USP6NL: variants seen among roughly 807,000 people sequenced by gnomAD.
The protein encoded by USP6NL is USP6 N-terminal-like protein.
USP6NL carries 26 observed loss-of-function variants against 61.9 expected under a neutral mutation model. The observed-to-expected ratio is 0.42, with a 90% CI of 0.31 to 0.58. The LOEUF (loss-of-function observed/expected upper bound fraction) is 0.58. Ranked by LOEUF, USP6NL falls within the 20% of genes least tolerant of loss-of-function variation. USP6NL has a pLI of 0.16. For synonymous variants in USP6NL, 432 were observed against 390.1 expected (o/e 1.11, Z -1.27); for missense variants, 1,114 against 1,034.3 (o/e 1.08, Z -1.06).
chr10:11,594,518 A>G (rs955307835), intron 2 of USP6NL, among the ~76,000 whole-genome samples: 6 of 152,278 alleles, frequency 3.9e-5, no homozygotes, highest in African/African-American at 1.4e-4. Context: ...CTAGAATGTA[A>G]ATGACCTGGA....
In USP6NL at chr10:11,490,089, G is replaced by GC. The variant is rs1372613574; in HGVS notation, c.543+742dup. On this transcript the variant is annotated intron_variant, in intron 9 of 14. Coordinates refer to ENST00000609104, the MANE Select transcript of USP6NL (RefSeq NM_014688.5). This position sits in a 1 kb window ranked among gnomAD's most constrained non-coding sequence, Gnocchi z 4.5. ...ACCTTCCAGCTCCAATTCCGGTGAG[G>GC]CCCAACTAGTGCTTCCTTCCTATGA... 6.6e-6 allele frequency among the ~76,000 whole-genome samples: 1 copy of GC among 152,132 alleles called. No homozygotes were observed. Among genetic ancestry groups the GC allele is most frequent in the Non-Finnish European group, 1.5e-5 (1 of 68,004 alleles).
chr10:11,574,971 G>C lies in USP6NL; in HGVS notation c.4+22660C>G, dbSNP rs568714270. ...CTTCAGACACGACGTGCTACACCATGTACATATATACCACCCATAATGTAT... is the reference window on the plus strand; with the variant it reads ...CTTCAGACACGACGTGCTACACCATCTACATATATACCACCCATAATGTAT... On this transcript the variant is annotated intron_variant, in intron 2 of 14. Coordinates refer to ENST00000609104, the MANE Select transcript of USP6NL (RefSeq NM_014688.5). The surrounding 1 kb of genome is among the most constrained non-coding windows in gnomAD (Gnocchi z 4.3). Among the ~76,000 whole-genome samples the C allele has an allele frequency of 6.6e-6, 1 of 152,286 alleles. No individual in the cohort carries two copies. Among genetic ancestry groups the C allele is most frequent in the African/African-American group, 2.4e-5 (1 of 41,558 alleles).
chr10:11,530,101 CAAAAAAAA>C (rs900768943), intron 2 of USP6NL, among the ~76,000 whole-genome samples: 74 of 72,004 alleles, frequency 1.0e-3, no homozygotes, highest in Non-Finnish European at 1.6e-3. Context: ...GACCCTGTCT[CAAAAAAAA>C]AAAAAAAAAA....
Position 11,518,737 on chromosome 10 carries a change from G to C in USP6NL, c.156-163C>G, listed in dbSNP as rs904074672. ...TCAATATGAAATGATAGCTACTCTAGAACCACAGGGCCACCTATCTTCAAA... is the reference window on the plus strand; with the variant it reads ...TCAATATGAAATGATAGCTACTCTACAACCACAGGGCCACCTATCTTCAAA... On this transcript the variant is annotated intron_variant, in intron 4 of 14. Coordinates refer to ENST00000609104, the MANE Select transcript of USP6NL (RefSeq NM_014688.5). This position sits in a 1 kb window ranked among gnomAD's most constrained non-coding sequence, Gnocchi z 5.3. 6.6e-6 allele frequency among the ~76,000 whole-genome samples: 1 copy of C among 152,148 alleles called. No homozygotes were observed. Among genetic ancestry groups the C allele is most frequent in the African/African-American group, 2.4e-5 (1 of 41,432 alleles).
At chr10:11,539,266 G>A (rs906238976) in intron 2 of USP6NL, among the ~76,000 whole-genome samples, 2 of 152,204 alleles carry the variant, frequency 1.3e-5, no homozygotes, top group African/African-American at 4.8e-5. Flanking sequence ...CAGTCACCCA[G>A]TGGGCAGGTC....
intron 2 of USP6NL, among the ~76,000 whole-genome samples, chr10:11,538,288 G>T (rs971844546): frequency 2.0e-5 from 3 of 152,010 alleles, no homozygotes; most frequent in South Asian, 2.1e-4. Context: ...AAGCTGCTTA[G>T]ATATGCTCCA....
rs1833674629 is a variant in USP6NL, at chr10:11,490,652, A to G, written c.543+180T>C. On this transcript the variant is annotated intron_variant, in intron 9 of 14. Coordinates refer to ENST00000609104, the MANE Select transcript of USP6NL (RefSeq NM_014688.5). This position sits in a 1 kb window ranked among gnomAD's most constrained non-coding sequence, Gnocchi z 4.5. ...ATTTAGGTTCTTCCACTTCAGAATC[A>G]GCTCTGTTCTAAGGCCCTAGGGTTA... 6.6e-6 allele frequency among the ~76,000 whole-genome samples: 1 copy of G among 152,226 alleles called. No individual in the cohort carries two copies. Among genetic ancestry groups the G allele is most frequent in the Non-Finnish European group, 1.5e-5 (1 of 68,040 alleles).
At chr10:11,560,989 A>C (rs117897258) in intron 2 of USP6NL, among the ~76,000 whole-genome samples, 1 of 152,200 alleles carries the variant, frequency 6.6e-6, no homozygotes, top group East Asian at 1.9e-4. Flanking sequence ...GAAAGCTTAA[A>C]AAAATGTATA....
In USP6NL at chr10:11,602,560, G is replaced by A. The variant is rs1476746370; in HGVS notation, c.-83-4843C>T. On this transcript the variant is annotated intron_variant, in intron 1 of 14. Transcript: ENST00000609104. The surrounding 1 kb of genome is among the most constrained non-coding windows in gnomAD (Gnocchi z 4.8). The stretch of plus-strand genomic sequence containing the variant: ...TGGAATGTACAGCACAGTAATTTCA[G>A]TACCCTCCTTCCTTCATTGAGATTC... 6.6e-6 allele frequency among the ~76,000 whole-genome samples: 1 copy of A among 152,124 alleles called. No homozygotes were observed. Among genetic ancestry groups the A allele is most frequent in the African/African-American group, 2.4e-5 (1 of 41,428 alleles).
intron 2 of USP6NL, among the ~76,000 whole-genome samples, chr10:11,543,681 C>A (rs573616121): frequency 6.6e-6 from 1 of 151,712 alleles, no homozygotes; most frequent in African/African-American, 2.4e-5. Flanking sequence ...TGCACAATCA[C>A]GTTCCAGATA....
In USP6NL at chr10:11,485,251, C is replaced by A; in HGVS notation, c.760-17G>T. 6.6e-7 allele frequency: 1 copy of A among 1,513,708 alleles called. No individual in the cohort carries two copies. Among genetic ancestry groups the A allele is most frequent in the Non-Finnish European group, 8.8e-7 (1 of 1,136,014 alleles). 93.8% of individuals were successfully genotyped at this position (1,513,708 alleles called of 1,614,324 possible). ...TTGAGAATCCTGAAAAAACAAAGAG[C>A]TCACAATTTATGGATTGTAGCAAAC... On this transcript the variant is annotated splice_polypyrimidine_tract_variant and intron_variant, in intron 11 of 14. Coordinates refer to ENST00000609104, the MANE Select transcript of USP6NL (RefSeq NM_014688.5). This position sits in a 1 kb window ranked among gnomAD's most constrained non-coding sequence, Gnocchi z 4.8.
At chr10:11,555,470 A>AG (rs1491493420) in intron 2 of USP6NL, among the ~76,000 whole-genome samples, 8,750 of 76,424 alleles carry the variant, frequency 0.11, 772 homozygotes, top group East Asian at 0.25. Context: ...AGAGAGAGAG[A>AG]AAGAGAGAGA....
Position 11,482,473 on chromosome 10 carries a change from T to C in USP6NL, c.926-551A>G, listed in dbSNP as rs1001967800. 2.6e-5 allele frequency among the ~76,000 whole-genome samples: 4 copies of C among 152,244 alleles called. No individual in the cohort carries two copies. Among genetic ancestry groups the C allele is most frequent in the African/African-American group, 9.6e-5 (4 of 41,464 alleles). On this transcript the variant is annotated intron_variant, in intron 13 of 14. Transcript: ENST00000609104. The surrounding 1 kb of genome is among the most constrained non-coding windows in gnomAD (Gnocchi z 4.0). Reference sequence around the variant, plus strand: ...AAAATCTGCTCATTACATAATACCCTACATAATACACCTCATTACATAACA... The same window carrying C: ...AAAATCTGCTCATTACATAATACCCCACATAATACACCTCATTACATAACA...
chr10:11,472,636 T>C (rs1296708484), intron 14 of USP6NL, among the ~76,000 whole-genome samples: 8 of 152,262 alleles, frequency 5.3e-5, no homozygotes, highest in Admixed American at 5.2e-4. Context: ...TATTGCTGAC[T>C]TCAAATATAC....
intron 2 of USP6NL, among the ~76,000 whole-genome samples, chr10:11,544,259 G>A (rs1469679292): frequency 2.0e-5 from 3 of 152,008 alleles, no homozygotes; most frequent in Non-Finnish European, 2.9e-5. Flanking sequence ...AGTCACAAGT[G>A]TGGGGTGGGG....
At position 11,602,993 on chromosome 10, in the gene USP6NL, T is replaced by G. The variant is rs1377701899; in HGVS notation, c.-83-5276A>C. ...AACATAACGTCACATTTCTACAGCT[T>G]TAAGTATTTTCTCAGCGCAAAAGTA... On this transcript the variant is annotated intron_variant, in intron 1 of 14. Transcript: ENST00000609104. This position sits in a 1 kb window ranked among gnomAD's most constrained non-coding sequence, Gnocchi z 4.8. 6.6e-6 allele frequency among the ~76,000 whole-genome samples: 1 copy of G among 152,228 alleles called. No homozygotes were observed. The highest frequency in any genetic ancestry group is 2.4e-5 in the African/African-American group (1 of 41,460).
Position 11,462,907 on chromosome 10 carries a change from G to A in USP6NL, c.2021C>T (p.Thr674Ile), listed in dbSNP as rs1179255938. ...LNPSRRPHGS[T>I]LSVSASPEKS... ...CTCCGGAGAAGCACTGACGGAAAGAGTAGAACCATGAGGTCTCCTGGAAGG... is the reference window on the plus strand; with the variant it reads ...CTCCGGAGAAGCACTGACGGAAAGAATAGAACCATGAGGTCTCCTGGAAGG... The change falls in exon 15 of 15, where the codon ACT becomes ATT. Residue 674 changes from threonine to isoleucine, a missense_variant. Physicochemically the swap from Thr to Ile is moderately conservative, Grantham distance 89. Transcript: ENST00000609104. 6.8e-6 allele frequency: 11 copies of A among 1,613,514 alleles called. No homozygotes were observed. The highest frequency in any genetic ancestry group is 8.5e-6 in the Non-Finnish European group (10 of 1,179,724).
In USP6NL at chr10:11,553,244, T is replaced by C. The variant is rs1197170161; in HGVS notation, c.5-25677A>G. Among the ~76,000 whole-genome samples, 1 of 152,226 alleles carries C rather than the reference T, an allele frequency of 6.6e-6. No individual in the cohort carries two copies. The highest frequency in any genetic ancestry group is 6.5e-5 in the Admixed American group (1 of 15,284). On this transcript the variant is annotated intron_variant, in intron 2 of 14. Transcript: ENST00000609104. The surrounding 1 kb of genome is among the most constrained non-coding windows in gnomAD (Gnocchi z 4.8). ...CAAAGAAAAAGCTGTTTCAAGACAGTGTACGATAATCCCAAGTGTGATCTA... is the reference window on the plus strand; with the variant it reads ...CAAAGAAAAAGCTGTTTCAAGACAGCGTACGATAATCCCAAGTGTGATCTA...
rs1187291243 is a variant in USP6NL, at chr10:11,600,300, G to A, written c.-83-2583C>T. ...TAACTGGAGGCTTGAGGAGCACTGA[G>A]GCAGCCTGCCTTCCCTTGTGCTCCT... is the stretch of plus-strand genomic sequence containing the variant. On this transcript the variant is annotated intron_variant, in intron 1 of 14. Transcript: ENST00000609104. The surrounding 1 kb of genome is among the most constrained non-coding windows in gnomAD (Gnocchi z 4.1). Among the ~76,000 whole-genome samples the A allele has an allele frequency of 1.3e-5, 2 of 152,154 alleles. No individual in the cohort carries two copies.
Sources: gnomAD v4.1 joint callset for allele counts (sites outside exome capture counted in the v4.1 genomes callset) on GRCh38, gnomAD v4.1.1 for gene constraint, Gnocchi (gnomAD v3.1) non-coding constraint, MANE v1.5 for transcripts, NCBI Gene and HGNC (gene_info 2026-07-23, HGNC 2026-07-21) for gene names.